The following CSPP1 variants were observed in gnomAD, a reference collection of about 807,000 sequenced individuals.
CSPP1 encodes centrosome and spindle pole associated protein 1.
Under a neutral mutation model 164.4 loss-of-function variants are expected in CSPP1, and 126 were observed. The ratio of observed to expected loss-of-function variants is 0.77; its 90% CI spans 0.66 to 0.89. CSPP1 has a LOEUF of 0.89. Ranked by LOEUF, CSPP1 falls within the 40% of genes least tolerant of loss-of-function variation. The pLI is 0.00. For synonymous variants in CSPP1, 472 were observed against 476.7 expected (o/e 0.99, Z 0.13); for missense variants, 1,395 against 1,449.8 (o/e 0.96, Z 0.61).
intron 3 of CSPP1, among the ~76,000 whole-genome samples, chr8:67,080,694 G>T (rs1415969103): frequency 1.3e-5 from 2 of 152,232 alleles, no homozygotes; most frequent in East Asian, 3.8e-4. Flanking sequence ...CAGAACTCAA[G>T]AAAGTGCTGT....
At chr8:67,179,316 A>G (rs1336143213) in intron 27 of CSPP1, among the ~76,000 whole-genome samples, 2 of 152,160 alleles carry the variant, frequency 1.3e-5, no homozygotes, top group African/African-American at 4.8e-5. Flanking sequence ...TTGCTGTCAC[A>G]TAGGGCTGTC....
chr8:67,064,399 A>T lies in CSPP1; in HGVS notation c.-150A>T, dbSNP rs370569030. 26 of 1,613,278 alleles carry T rather than the reference A, an allele frequency of 1.6e-5. No individual in the cohort carries two copies. The highest frequency in any genetic ancestry group is 2.0e-5 in the Non-Finnish European group (24 of 1,179,792). ...CGGAGCCCCGGCCCGGAGGTCTGTCATGCTGTTCCCGCTCCAGGTGGCCGC... is the reference window on the plus strand; with the variant it reads ...CGGAGCCCCGGCCCGGAGGTCTGTCTTGCTGTTCCCGCTCCAGGTGGCCGC... On this transcript the variant is annotated 5_prime_UTR_variant, in exon 1 of 31. The change abolishes an upstream ATG in the 5' untranslated region. Transcript: ENST00000678616.
At chr8:67,181,162 C>G (rs1226623265) in intron 28 of CSPP1, among the ~76,000 whole-genome samples, 1 of 151,830 alleles carries the variant, frequency 6.6e-6, no homozygotes, top group Admixed American at 6.6e-5. Flanking sequence ...CTCAGCCTCC[C>G]CAGTAGCTGG....
chr8:67,157,260 T>C (rs866721336), intron 19 of CSPP1, among the ~76,000 whole-genome samples: 3 of 152,254 alleles, frequency 2.0e-5, no homozygotes, highest in Middle Eastern at 3.4e-3. Flanking sequence ...GAAAAAGCCC[T>C]AGTATATAAA....
chr8:67,113,707 A>G (rs1411221137), intron 10 of CSPP1, 98 bp from the exon 11 acceptor site: 13 of 610,436 alleles, frequency 2.1e-5, no homozygotes, highest in Non-Finnish European at 3.1e-5. Context: ...TTGTAGATGT[A>G]GTGCATAGAC....
intron 9 of CSPP1, among the ~76,000 whole-genome samples, chr8:67,110,260 A>G (rs1481525450): frequency 2.0e-5 from 3 of 150,212 alleles, no homozygotes; most frequent in Non-Finnish European, 4.4e-5. Flanking sequence ...TTCCCAAATG[A>G]TTTTTCCTTT....
At chr8:67,168,157 C>T (rs960102953) in intron 24 of CSPP1, among the ~76,000 whole-genome samples, 3 of 152,130 alleles carry the variant, frequency 2.0e-5, no homozygotes, top group South Asian at 4.1e-4. Flanking sequence ...ACTAGTCAGG[C>T]GTGGTGGCGC....
chr8:67,086,890 T>A, intron 4 of CSPP1: 1 of 593,404 alleles, frequency 1.7e-6, no homozygotes. Context: ...TTTTCTTTCT[T>A]TTTTTTTTTT....
At chr8:67,125,816 G>T (rs777913015) in intron 15 of CSPP1, among the ~76,000 whole-genome samples, 1 of 151,934 alleles carries the variant, frequency 6.6e-6, no homozygotes, top group South Asian at 2.1e-4. Context: ...ATTTTATTTG[G>T]TAAACATTGT....
At chr8:67,071,574 T>C (rs1224224044) in intron 1 of CSPP1, among the ~76,000 whole-genome samples, 1 of 152,216 alleles carries the variant, frequency 6.6e-6, no homozygotes, top group East Asian at 1.9e-4. Context: ...TACTGTAAAT[T>C]TCCAGTAGCA....
chr8:67,108,433 G>T (rs1001293249), intron 9 of CSPP1, among the ~76,000 whole-genome samples: 4 of 151,660 alleles, frequency 2.6e-5, no homozygotes, highest in African/African-American at 9.7e-5. Flanking sequence ...AGTCAAGTTG[G>T]TTCATCGTAT....
chr8:67,120,493 A>G (rs1010273302), intron 15 of CSPP1, among the ~76,000 whole-genome samples: 2 of 152,204 alleles, frequency 1.3e-5, no homozygotes, highest in African/African-American at 4.8e-5. Context: ...ATCCATGAAC[A>G]TAAGATATAT....
chr8:67,138,875 T>C (rs2129555539), intron 17 of CSPP1, among the ~76,000 whole-genome samples: 1 of 152,356 alleles, frequency 6.6e-6, no homozygotes, highest in South Asian at 2.1e-4. Flanking sequence ...CATGCCTATG[T>C]CCTGAATGGT....
chr8:67,193,204 C>T (rs1393844665), intron 29 of CSPP1, among the ~76,000 whole-genome samples: 1 of 152,114 alleles, frequency 6.6e-6, no homozygotes, highest in African/African-American at 2.4e-5. Context: ...GCAGCCTCCA[C>T]CTCCTGCCTC....
intron 12 of CSPP1, among the ~76,000 whole-genome samples, 162 bp from the exon 13 acceptor site, chr8:67,115,748 GTAAA>G (rs941635961): frequency 3.3e-5 from 5 of 151,986 alleles, no homozygotes; most frequent in African/African-American, 9.7e-5. Context: ...CTGTTATTCA[GTAAA>G]TAAATAAATA....
At chr8:67,138,005 G>A (rs887590675) in intron 17 of CSPP1, among the ~76,000 whole-genome samples, 5 of 152,116 alleles carry the variant, frequency 3.3e-5, no homozygotes, top group African/African-American at 1.2e-4. Flanking sequence ...TTTGGGAGGG[G>A]ATTTTGTGTT....
At chr8:67,180,218 G>A (rs1011663046) in intron 28 of CSPP1, among the ~76,000 whole-genome samples, 5 of 152,044 alleles carry the variant, frequency 3.3e-5, no homozygotes, top group African/African-American at 1.2e-4. Flanking sequence ...TAGATGAATG[G>A]TTAAAAAAAC....
chr8:67,118,485 T>C, intron 14 of CSPP1, 116 bp downstream of exon 14: 1 of 1,027,384 alleles, frequency 9.7e-7, no homozygotes, highest in Non-Finnish European at 1.5e-6. Context: ...TTAATTCAGA[T>C]GTTATATATT....
rs373866319 is a variant in CSPP1 at position 67,194,547 on chromosome 8, A to C, written c.3470-835A>C. On this transcript the variant is annotated intron_variant, in intron 30 of 30. Transcript: ENST00000678616. The stretch of plus-strand genomic sequence containing the variant: ...TTAATATTTAACAGGAATATATTTG[A>C]GGGAAGATAGCATTTTAAGAATCTT... 2.7e-3 allele frequency among the ~76,000 whole-genome samples: 411 copies of C among 152,346 alleles called. 2 individuals carry two copies. Among genetic ancestry groups the C allele is most frequent in the African/African-American group, 9.6e-3 (401 of 41,584 alleles).
Sources: allele counts gnomAD v4.1 joint callset (sites outside exome capture counted in the v4.1 genomes callset), GRCh38; gene constraint gnomAD v4.1.1; transcripts MANE v1.5; gene names NCBI Gene and HGNC (gene_info 2026-07-23, HGNC 2026-07-21).